Variants in XPC observed in about 807,000 individuals in gnomAD.
XPC encodes DNA repair protein complementing XP-C cells.
A neutral mutation model predicts 95.8 loss-of-function variants in XPC; 76 were observed. That is an observed-to-expected ratio of 0.79 (90% CI 0.66 to 0.96). The LOEUF is 0.96. Ranked by LOEUF, XPC falls within the 40% of genes least tolerant of loss-of-function variation. The probability of loss-of-function intolerance (pLI) is 0.00; values close to 1 mark genes in which losing one functional copy is unlikely to be tolerated. For synonymous variants in XPC, 442 were observed against 442.1 expected (o/e 1.00, Z 0.00); for missense variants, 1,146 against 1,179.8 (o/e 0.97, Z 0.42).
chr3:14,176,372 C>T (rs59566842), intron 1 of XPC, among the ~76,000 whole-genome samples: 6,898 of 152,274 alleles, frequency 0.045, 362 homozygotes, highest in East Asian at 0.22. Context: ...GAGCGTTCCC[C>T]GATCACGCCA....
chr3:14,175,293 A>T (rs1281403858), intron 1 of XPC, among the ~76,000 whole-genome samples: 1 of 151,966 alleles, frequency 6.6e-6, no homozygotes, highest in East Asian at 1.9e-4. Context: ...CTTCCCTGAC[A>T]CTGATTCCCA....
Position 14,145,950 on chromosome 3 carries a change from C to G in XPC, c.2814G>C (p.Glu938Asp), listed in dbSNP as rs2125004457. ...KAAASHLFPF[E>D]QL ...CTAGTGGGCGCTCAGCTCACAGCTGCTCAAATGGGAACAGGTGGGAAGCTG... is the reference window on the plus strand; with the variant it reads ...CTAGTGGGCGCTCAGCTCACAGCTGGTCAAATGGGAACAGGTGGGAAGCTG... Residue 938 changes from glutamate to aspartate, a missense_variant, in exon 16 of 16, where the codon GAG becomes GAC. Transcript: ENST00000285021. 1 of 1,604,954 alleles carries G rather than the reference C, an allele frequency of 6.2e-7. No individual in the cohort carries two copies. Among genetic ancestry groups the G allele is most frequent in the Non-Finnish European group, 8.5e-7 (1 of 1,173,134 alleles).
At chr3:14,174,623 G>T (rs368331145) in intron 1 of XPC, among the ~76,000 whole-genome samples, 3 of 152,280 alleles carry the variant, frequency 2.0e-5, no homozygotes, top group South Asian at 4.1e-4. Flanking sequence ...ACAATAATCT[G>T]AATGTCCAAC....
At chr3:14,172,231 G>A (rs1404265185) in intron 2 of XPC, among the ~76,000 whole-genome samples, 2 of 152,172 alleles carry the variant, frequency 1.3e-5, no homozygotes, top group Non-Finnish European at 2.9e-5. Context: ...ACCCCACATG[G>A]TTCCAGCCCT....
At chr3:14,157,363 G>A (rs1322053302) in intron 9 of XPC, among the ~76,000 whole-genome samples, 1 of 152,112 alleles carries the variant, frequency 6.6e-6, no homozygotes, top group Non-Finnish European at 1.5e-5. Flanking sequence ...ACAAATCTGG[G>A]CATGTTCCTG....
chr3:14,146,081 C>G lies in XPC; in HGVS notation c.2683G>C (p.Glu895Gln), dbSNP rs545563302. 9 of 1,612,618 alleles carry G rather than the reference C, an allele frequency of 5.6e-6. No individual in the cohort carries two copies. In the African/African-American group the frequency reaches 1.1e-4, roughly 19 times the overall value. ...DEEEGTSSQA[E>Q]AARILAASWP... Reference sequence around the variant, plus strand: ...GAGGCAGCCAGTATCCTGGCCGCTTCTGCTTGAGAGCTGGTCCCCTCCTCT... The same window carrying G: ...GAGGCAGCCAGTATCCTGGCCGCTTGTGCTTGAGAGCTGGTCCCCTCCTCT... The change falls in exon 16 of 16, where the codon GAA becomes CAA. Residue 895 changes from glutamate (E) to glutamine (Q), a missense_variant. Glu to Gln is a conservative substitution (Grantham distance 29). Coordinates refer to ENST00000285021, the MANE Select transcript of XPC (RefSeq NM_004628.5).
At chr3:14,165,122 C>G (rs3731114) in intron 6 of XPC, among the ~76,000 whole-genome samples, 189 bp from the exon 7 acceptor site, 3,192 of 152,236 alleles carry the variant, frequency 0.021, 189 homozygotes, top group East Asian at 0.2. Context: ...CTTGGGGAGC[C>G]TTCCCAGACC....
chr3:14,167,363 C>A, intron 4 of XPC, 110 bp from the exon 5 acceptor site: 2 of 985,820 alleles, frequency 2.0e-6, no homozygotes, highest in Non-Finnish European at 3.0e-6. Flanking sequence ...CTCCCTGTTT[C>A]CCTACACAAG....
rs556507074 is a variant in XPC, at chr3:14,165,214, G to T, written c.779+214C>A. The stretch of plus-strand genomic sequence containing the variant: ...TCCAGGGCACTCCTCATGCCATCCT[G>T]TAATTACCTGGTATGTATTTGTCTC... On this transcript the variant is annotated intron_variant, in intron 6 of 15. Transcript: ENST00000285021. Among the ~76,000 whole-genome samples the T allele has an allele frequency of 6.6e-5, 10 of 152,260 alleles. No individual in the cohort carries two copies. In the East Asian group the frequency reaches 1.7e-3, roughly 26 times the overall value.
intron 13 of XPC, chr3:14,148,313 CTG>C (rs1316857944): frequency 1.6e-6 from 1 of 611,010 alleles, no homozygotes; most frequent in East Asian, 2.9e-5. Flanking sequence ...GCTCACTAGC[CTG>C]TGAGTCCCTA....
At chr3:14,169,033 A>G (rs925196227) in intron 3 of XPC, among the ~76,000 whole-genome samples, 10 of 152,232 alleles carry the variant, frequency 6.6e-5, no homozygotes, top group Non-Finnish European at 1.0e-4. Context: ...ATCTAATGCC[A>G]GATCTTGGTC....
Position 14,148,597 on chromosome 3 carries a change from A to C in XPC, c.2385T>G (p.Thr795=), listed in dbSNP as rs1695545933. The C allele has an allele frequency of 1.9e-6, 3 of 1,613,914 alleles. No individual in the cohort carries two copies. The highest frequency in any genetic ancestry group is 2.5e-6 in the Non-Finnish European group (3 of 1,179,908). Reference sequence around the variant, plus strand: ...AGTAGCCGCCATGGAAATCAAAGCCAGTGATGGCCTGGACACAGTCGATGT... The same window carrying C: ...AGTAGCCGCCATGGAAATCAAAGCCCGTGATGGCCTGGACACAGTCGATGT... ...KLDIDCVQAI[T]GFDFHGGYSH... Residue 795 remains threonine (T), a synonymous_variant, in exon 13 of 16, where the codon ACT becomes ACG. Coordinates refer to ENST00000285021, the MANE Select transcript of XPC (RefSeq NM_004628.5).
chr3:14,171,079 C>T (rs1696593778), intron 2 of XPC, among the ~76,000 whole-genome samples: 1 of 152,126 alleles, frequency 6.6e-6, no homozygotes, highest in African/African-American at 2.4e-5. Flanking sequence ...GAGACATAGA[C>T]AGCTAGCTAG....
rs55721730 is a variant in XPC, at chr3:14,145,419, C to T, written c.*522G>A. On this transcript the variant is annotated 3_prime_UTR_variant, in exon 16 of 16. Coordinates refer to ENST00000285021, the MANE Select transcript of XPC (RefSeq NM_004628.5). ...TGCTCTCTCCCCTACTGCAAAGAGG[C>T]AGTGAGGGCAGCATTAGTAAGCCTG... The T allele has an allele frequency of 1.1e-4, 79 of 697,828 alleles. No individual in the cohort carries two copies. The East Asian group carries it at 2.1e-3, about 19-fold the overall frequency. 43.2% of individuals were successfully genotyped at this position (697,828 alleles called of 1,614,324 possible). A position where few individuals can be genotyped will look rare whatever the true frequency, so the allele number is the denominator to read the frequency against.
At chr3:14,171,570 C>T (rs1246584461) in intron 2 of XPC, among the ~76,000 whole-genome samples, 5 of 152,172 alleles carry the variant, frequency 3.3e-5, no homozygotes, top group Admixed American at 1.3e-4. Flanking sequence ...GAAGGCCAGG[C>T]GCAATGGCTC....
At chr3:14,152,521 G>C in intron 10 of XPC, 105 bp from the exon 11 acceptor site, 1 of 1,151,750 alleles carries the variant, frequency 8.7e-7, no homozygotes, top group Non-Finnish European at 1.2e-6. Context: ...CTCAGGTTCA[G>C]CCACCCTGGA....
rs913921276 is a variant in XPC at position 14,175,014 on chromosome 3, T to C, written c.104-1952A>G. 6.6e-5 allele frequency among the ~76,000 whole-genome samples: 10 copies of C among 152,196 alleles called. No individual in the cohort carries two copies. In the East Asian group the frequency reaches 1.9e-3, roughly 29 times the overall value. ...TGCTTGCCCATCTACTGGGATTTAA[T>C]AAGAACACCGGAGTAAACCTTCCAG... On this transcript the variant is annotated intron_variant, in intron 1 of 15. Transcript: ENST00000285021.
At chr3:14,150,384 T>G (rs1272504602) in intron 11 of XPC, among the ~76,000 whole-genome samples, 1 of 152,224 alleles carries the variant, frequency 6.6e-6, no homozygotes, top group Non-Finnish European at 1.5e-5. Flanking sequence ...TTTAAAAATG[T>G]GAAAAGCCAT....
intron 10 of XPC, 100 bp from the exon 11 acceptor site, chr3:14,152,516 G>A (rs1324847909): frequency 1.7e-6 from 2 of 1,193,136 alleles, no homozygotes; most frequent in South Asian, 1.6e-5. Flanking sequence ...CCCTCCTCAG[G>A]TTCAGCCACC....
Sources: gnomAD v4.1 joint callset for allele counts (sites outside exome capture counted in the v4.1 genomes callset) on GRCh38, gnomAD v4.1.1 for gene constraint, MANE v1.5 for transcripts, NCBI Gene and HGNC (gene_info 2026-07-23, HGNC 2026-07-21) for gene names.